TMEM150B: variants seen among roughly 807,000 people sequenced by gnomAD.
TMEM150B encodes the protein transmembrane protein 150B.
In TMEM150B, 33 loss-of-function variants were observed where a neutral mutation model predicts 25.2. The ratio of observed to expected loss-of-function variants is 1.31; its 90% confidence interval spans 0.99 to 1.75. The LOEUF (loss-of-function observed/expected upper bound fraction) is 1.75, where lower values mean the gene tolerates loss of function less well. TMEM150B is among the 40% of genes most tolerant of loss of function. The probability of loss-of-function intolerance (pLI) is 0.00; values close to 1 mark genes in which losing one functional copy is unlikely to be tolerated. For missense variants in TMEM150B, 322 were observed against 306.1 expected (o/e 1.05, Z -0.39); for synonymous variants, 133 against 134.8 (o/e 0.99, Z 0.09).
Position 55,322,835 on chromosome 19 carries a change from C to G in TMEM150B, c.-153-92G>C, listed in dbSNP as rs533322603. The G allele has an allele frequency of 1.1e-5, 6 of 556,202 alleles. No homozygotes were observed. The South Asian group carries it at 3.9e-4, about 37-fold the overall frequency. 34.5% of individuals were successfully genotyped at this position (556,202 alleles called of 1,614,324 possible). ...GCTCTCTGTCCCCAAACCACCGTGTCCTGTCTCCTTAGAACCTCACAGGCA... is the reference window on the plus strand; with the variant it reads ...GCTCTCTGTCCCCAAACCACCGTGTGCTGTCTCCTTAGAACCTCACAGGCA... On this transcript the variant is annotated intron_variant, in intron 1 of 7. Coordinates refer to ENST00000326652, the MANE Select transcript of TMEM150B (RefSeq NM_001282011.2).
intron 7 of TMEM150B, among the ~76,000 whole-genome samples, chr19:55,315,906 G>A (rs573617012): frequency 1.3e-5 from 2 of 152,298 alleles, no homozygotes; most frequent in African/African-American, 4.8e-5. Flanking sequence ...CTCCAGCCTG[G>A]GCGACAGAGC....
At chr19:55,322,935 C>T (rs963767400) in intron 1 of TMEM150B, among the ~76,000 whole-genome samples, 192 bp from the exon 2 acceptor site, 1 of 152,066 alleles carries the variant, frequency 6.6e-6, no homozygotes, top group East Asian at 1.9e-4. Context: ...TCAGCCCTAT[C>T]CTCCCCTGGA....
intron 7 of TMEM150B, among the ~76,000 whole-genome samples, chr19:55,316,030 C>T (rs2088986642): frequency 6.6e-6 from 1 of 152,150 alleles, no homozygotes; most frequent in Non-Finnish European, 1.5e-5. Flanking sequence ...TCTAGAAGTA[C>T]ACTGTGCTGG....
downstream of TMEM150B, chr19:55,311,763 T>C (rs1192685535): frequency 1.2e-6 from 1 of 810,150 alleles, no homozygotes; most frequent in African/African-American, 1.8e-5. Context: ...GGCCAGGTGC[T>C]GGACGGACTG....
chr19:55,311,853 A>G, downstream of TMEM150B: 1 of 1,572,466 alleles, frequency 6.4e-7, no homozygotes, highest in Non-Finnish European at 8.7e-7. Flanking sequence ...ATCCCCTGGT[A>G]ATGGGAACCC....
chr19:55,317,551 G>A (rs376371943), intron 6 of TMEM150B, among the ~76,000 whole-genome samples: 12 of 151,934 alleles, frequency 7.9e-5, no homozygotes, highest in African/African-American at 2.7e-4. Flanking sequence ...AGGCCAAGGC[G>A]GGTAGATCAC....
intron 1 of TMEM150B, among the ~76,000 whole-genome samples, chr19:55,324,493 C>T (rs1243035667): frequency 6.6e-6 from 1 of 151,648 alleles, no homozygotes. Context: ...ACTAAAAATA[C>T]AAAAATTAGC....
chr19:55,322,522 G>C (rs2089234593), intron 2 of TMEM150B, 126 bp downstream of exon 2: 3 of 290,766 alleles, frequency 1.0e-5, no homozygotes, highest in Non-Finnish European at 1.5e-5. Flanking sequence ...TCCACTCCAA[G>C]CAATCTCTTC....
Position 55,312,995 on chromosome 19 carries a change from G to A in TMEM150B, c.566C>T (p.Ala189Val). Residue 189 changes from alanine (A) to valine (V), a missense_variant, in exon 8 of 8, where the codon GCC (alanine) becomes GTC (valine). Physicochemically the swap from Ala to Val is moderately conservative, Grantham distance 64 (BLOSUM62 0). Transcript: ENST00000326652. ...ACCGAAGAGCGCGAACAGCAGCATG[G>A]CCACGACCCACTCGCAGGCCGCAGA... ...SVSAACEWVV[A>V]MLLFALFGLL... 2 of 1,613,672 alleles carry A rather than the reference G, an allele frequency of 1.2e-6. No individual in the cohort carries two copies. The highest frequency in any genetic ancestry group is 2.2e-5 in the South Asian group (2 of 91,048).
At chr19:55,322,241 T>C (rs2089225855) in intron 2 of TMEM150B, among the ~76,000 whole-genome samples, 1 of 151,970 alleles carries the variant, frequency 6.6e-6, no homozygotes, top group Non-Finnish European at 1.5e-5. Context: ...CCCTCCTGCC[T>C]CTGACACTCA....
downstream of TMEM150B, among the ~76,000 whole-genome samples, chr19:55,309,677 A>G (rs1568990833): frequency 6.6e-6 from 1 of 152,196 alleles, no homozygotes; most frequent in East Asian, 1.9e-4. Context: ...TCCTAACATA[A>G]CCTCCTAATA....
intron 1 of TMEM150B, among the ~76,000 whole-genome samples, chr19:55,324,510 T>C (rs1475216524): frequency 1.3e-5 from 2 of 151,860 alleles, no homozygotes; most frequent in African/African-American, 4.8e-5. Flanking sequence ...TAGCCGGGTG[T>C]GGTGGCAGGC....
At chr19:55,311,109 G>A (rs911103273), downstream of TMEM150B, among the ~76,000 whole-genome samples, 2 of 151,992 alleles carry the variant, frequency 1.3e-5, no homozygotes, top group African/African-American at 4.8e-5. Flanking sequence ...TTACAGGTGC[G>A]TGCCACCACA....
chr19:55,313,103 C>T (rs779332118), intron 7 of TMEM150B, 48 bp from the exon 8 acceptor site: 3 of 1,539,066 alleles, frequency 1.9e-6, no homozygotes, highest in Non-Finnish European at 1.8e-6. Context: ...GACGCGGAGC[C>T]CGGCCTGGTC....
chr19:55,320,808 A>C lies in TMEM150B; in HGVS notation c.68+161T>G, dbSNP rs1171627736. Among the ~76,000 whole-genome samples the C allele has an allele frequency of 6.5e-4, 54 of 83,020 alleles. 1 individual carries two copies. Among genetic ancestry groups the C allele is most frequent in the African/African-American group, 2.5e-3 (52 of 20,680 alleles). The allele number at this position is 83,020 out of a possible 152,430, so 54.5% of individuals were successfully genotyped here. ...CTCAGACCCAGGAGTCCAGACCCCC[A>C]GCCCCTCCTCCCTCAGACCCAGGAG... On this transcript the variant is annotated intron_variant, in intron 3 of 7. Transcript: ENST00000326652.
chr19:55,317,315 C>T (rs371849510), intron 6 of TMEM150B, among the ~76,000 whole-genome samples: 2 of 152,096 alleles, frequency 1.3e-5, no homozygotes, highest in Non-Finnish European at 2.9e-5. Context: ...ATGTGACTCA[C>T]GGATACATAG....
intron 7 of TMEM150B, among the ~76,000 whole-genome samples, chr19:55,315,355 G>T (rs934154260): frequency 4.6e-5 from 7 of 151,544 alleles, no homozygotes; most frequent in South Asian, 4.2e-4. Flanking sequence ...TAATAGGCCG[G>T]GCATGGTGGC....
At chr19:55,322,624 C>T (rs1394349296) in intron 2 of TMEM150B, 24 bp downstream of exon 2, 28 of 982,918 alleles carry the variant, frequency 2.8e-5, no homozygotes, top group Non-Finnish European at 3.3e-5. Flanking sequence ...CTCCCAGCCT[C>T]CAGGGCCTCC....
chr19:55,324,579 C>T (rs1402085241), intron 1 of TMEM150B, among the ~76,000 whole-genome samples: 7 of 152,010 alleles, frequency 4.6e-5, no homozygotes, highest in Non-Finnish European at 7.4e-5. Context: ...ACCCAGGAGG[C>T]GGAGGTTGCA....
Sources: allele counts gnomAD v4.1 joint callset (sites outside exome capture counted in the v4.1 genomes callset), GRCh38; gene constraint gnomAD v4.1.1; transcripts MANE v1.5; gene names NCBI Gene and HGNC (gene_info 2026-07-23, HGNC 2026-07-21).